Variants in INTS6L observed in about 807,000 individuals in gnomAD.
The protein encoded by INTS6L is integrator complex subunit 6-like.
A neutral mutation model predicts 64.7 loss-of-function variants in INTS6L; 18 were observed. The ratio of observed to expected loss-of-function variants is 0.28; its 90% CI spans 0.19 to 0.41. INTS6L has a LOEUF of 0.41. Ranked by LOEUF, INTS6L falls within the 10% of genes least tolerant of loss-of-function variation. INTS6L has a pLI of 1.00. For missense variants in INTS6L, 533 were observed against 661.0 expected (o/e 0.81, Z 2.12); for synonymous variants, 227 against 235.9 (o/e 0.96, Z 0.34).
chrX:135,523,003 T>C (rs1556498648), intron 2 of INTS6L, among the ~76,000 whole-genome samples: 1 of 112,046 alleles, frequency 8.9e-6, no homozygotes, highest in Non-Finnish European at 1.9e-5. Flanking sequence ...ACCGACCATT[T>C]GTAGTGTGGC....
intron 15 of INTS6L, among the ~76,000 whole-genome samples, chrX:135,579,353 T>A (rs1342912910): frequency 8.9e-6 from 1 of 112,461 alleles, no homozygotes; most frequent in Admixed American, 9.4e-5. Flanking sequence ...TGGCCGCCTC[T>A]ATTTTCTCAG....
intron 9 of INTS6L, among the ~76,000 whole-genome samples, chrX:135,563,670 G>T (rs5929666): frequency 0.12 from 595 of 4,826 alleles, 18 homozygotes; most frequent in African/African-American, 0.19. Flanking sequence ...TATATATATA[G>T]CTATATATAT....
chrX:135,549,352 A>G (rs1228370985), intron 6 of INTS6L, among the ~76,000 whole-genome samples: 1 of 112,385 alleles, frequency 8.9e-6, no homozygotes, highest in East Asian at 2.8e-4. Context: ...GAGTCTCAGA[A>G]AATTTAAAAC....
At position 135,565,289 on chromosome X, in the gene INTS6L, C is replaced by A. The variant is rs2086914579; in HGVS notation, c.1193-4048C>A. On this transcript the variant is annotated intron_variant, in intron 9 of 17. Coordinates refer to ENST00000639893, the MANE Select transcript of INTS6L (RefSeq NM_001351601.3). ...ACAATAGCAAGACTCATCCTCTCATCTTTGCCTTTGCTCGTCTTTCAGGTA... is the reference window on the plus strand; with the variant it reads ...ACAATAGCAAGACTCATCCTCTCATATTTGCCTTTGCTCGTCTTTCAGGTA... Among the ~76,000 whole-genome samples the A allele has an allele frequency of 4.5e-5, 5 of 112,056 alleles. No homozygotes were observed. In the Admixed American group the frequency reaches 4.7e-4, roughly 11 times the overall value.
intron 8 of INTS6L, among the ~76,000 whole-genome samples, 162 bp from the exon 9 acceptor site, chrX:135,556,006 A>G (rs1252473173): frequency 8.9e-6 from 1 of 112,263 alleles, no homozygotes; most frequent in Non-Finnish European, 1.9e-5. Context: ...AGCCTGGCCT[A>G]GTATAATATA....
At chrX:135,525,349 CT>C (rs2085705311) in intron 2 of INTS6L, among the ~76,000 whole-genome samples, 1 of 112,278 alleles carries the variant, frequency 8.9e-6, no homozygotes, top group Non-Finnish European at 1.9e-5. Flanking sequence ...AGGAAATTAT[CT>C]TTTTAAACAT....
chrX:135,573,872 A>G (rs907540117), intron 12 of INTS6L, 67 bp from the exon 13 acceptor site: 1 of 1,079,420 alleles, frequency 9.3e-7, no homozygotes, highest in African/African-American at 1.9e-5. Context: ...TTTAAGAGAG[A>G]TAAGTATGAC....
At chrX:135,544,565 C>T (rs1406910665) in intron 2 of INTS6L, among the ~76,000 whole-genome samples, 2 of 110,681 alleles carry the variant, frequency 1.8e-5, no homozygotes, top group Non-Finnish European at 3.8e-5. Flanking sequence ...TGTTGCCACG[C>T]TGTGCTGTCT....
In INTS6L at chrX:135,546,713, T is replaced by G. The variant is rs2086365470; in HGVS notation, c.441T>G (p.Pro147=). 3 of 1,206,179 alleles carry G rather than the reference T, an allele frequency of 2.5e-6. No homozygotes were observed. Among genetic ancestry groups the G allele is most frequent in the African/African-American group, 1.7e-5 (1 of 57,766 alleles). The change falls in exon 5 of 18, where the codon CCT becomes CCG. Residue 147 remains proline (P), a synonymous_variant. Coordinates refer to ENST00000639893, the MANE Select transcript of INTS6L (RefSeq NM_001351601.3). ...TAGVQEELHL[P]LNSPLPGSEL... ...TTTTGCCTTATCAGCTCCATCTTCC[T>G]TTGAATTCCCCTCTGCCTGGAAGTG...
Position 135,581,629 on chromosome X carries a change from C to T in INTS6L, c.2690C>T (p.Ser897Leu), listed in dbSNP as rs531890972. ...ATTAGTCACATCAACAGCAGATCAT[C>T]ATGTTAGTGCAAAGACCAGTGAGAA... ...NNISHINSRS[S>L]C is the part of the protein sequence containing the mutation. Residue 897 changes from serine to leucine, a missense_variant, in exon 18 of 18, where the codon TCA becomes TTA. Ser to Leu is a moderately radical substitution (Grantham distance 145). Coordinates refer to ENST00000639893, the MANE Select transcript of INTS6L (RefSeq NM_001351601.3). The T allele has an allele frequency of 1.7e-5, 21 of 1,201,040 alleles. No individual in the cohort carries two copies. In the South Asian group the frequency reaches 3.4e-4, roughly 19 times the overall value.
In INTS6L at chrX:135,541,115, A is replaced by G. The variant is rs138404103; in HGVS notation, c.190-4308A>G. On this transcript the variant is annotated intron_variant, in intron 2 of 17. Coordinates refer to ENST00000639893, the MANE Select transcript of INTS6L (RefSeq NM_001351601.3). ...CCTAGCTTCTTCTGACTACAGCTTC[A>G]CTTTCCTGCAGGCTGTCCTGTATGT... 2.6e-3 allele frequency among the ~76,000 whole-genome samples: 287 copies of G among 110,658 alleles called. 1 individual carries two copies. The highest frequency in any genetic ancestry group is 9.3e-3 in the Middle Eastern group (2 of 214).
chrX:135,554,883 C>CTTTTTTTTTT (rs35845600), intron 8 of INTS6L, among the ~76,000 whole-genome samples: 8 of 50,474 alleles, frequency 1.6e-4, no homozygotes, highest in Non-Finnish European at 2.2e-4. Flanking sequence ...ACCAGCATAA[C>CTTTTTTTTTT]TTTTTTTTTT....
Position 135,532,101 on chromosome X carries a change from TG to T in INTS6L, c.189+10785del, listed in dbSNP as rs1235340188. ...TAGACCAAAATGGTTTCATTTAAAT[TG>T]GCCTGAAGTTGCCTGGAGGCACTGC... On this transcript the variant is annotated intron_variant, in intron 2 of 17. Coordinates refer to ENST00000639893, the MANE Select transcript of INTS6L (RefSeq NM_001351601.3). 4.4e-5 allele frequency among the ~76,000 whole-genome samples: 5 copies of T among 112,387 alleles called. No individual in the cohort carries two copies. The East Asian group carries it at 1.4e-3, about 31-fold the overall frequency.
At chrX:135,532,389 G>A (rs1411397208) in intron 2 of INTS6L, among the ~76,000 whole-genome samples, 3 of 112,594 alleles carry the variant, frequency 2.7e-5, no homozygotes, top group African/African-American at 9.7e-5. Flanking sequence ...ATGCCTTTGA[G>A]TTGTGTGTTA....
At chrX:135,528,159 T>C (rs1213992713) in intron 2 of INTS6L, among the ~76,000 whole-genome samples, 1 of 110,427 alleles carries the variant, frequency 9.1e-6, no homozygotes, top group Non-Finnish European at 1.9e-5. Context: ...ACCGAAAGAG[T>C]GTAAATGAGA....
At chrX:135,578,968 C>T (rs2087303066) in intron 15 of INTS6L, among the ~76,000 whole-genome samples, 1 of 111,643 alleles carries the variant, frequency 9.0e-6, no homozygotes, top group Non-Finnish European at 1.9e-5. Context: ...TGCAAGACTG[C>T]ACGGCTGGCC....
At chrX:135,554,905 T>TG (rs1556518528) in intron 8 of INTS6L, among the ~76,000 whole-genome samples, 1 of 94,690 alleles carries the variant, frequency 1.1e-5, no homozygotes, top group East Asian at 3.3e-4. Context: ...TTTTTTTTTT[T>TG]TTTGAGACAG....
chrX:135,568,019 A>T lies in INTS6L; in HGVS notation c.1193-1318A>T, dbSNP rs192214919. 7.5e-3 allele frequency among the ~76,000 whole-genome samples: 832 copies of T among 111,286 alleles called. 5 individuals carry two copies. The highest frequency in any genetic ancestry group is 0.022 in the African/African-American group (686 of 30,655). ...TCTCTGTAAGTAAAGCATTTTTTTT[A>T]AAAAAATCAAAACTACTAAAACCTT... On this transcript the variant is annotated intron_variant, in intron 9 of 17. Coordinates refer to ENST00000639893, the MANE Select transcript of INTS6L (RefSeq NM_001351601.3).
At chrX:135,521,523 G>GAGC (rs1302203698) in intron 2 of INTS6L, among the ~76,000 whole-genome samples, 6 of 110,991 alleles carry the variant, frequency 5.4e-5, no homozygotes, top group Non-Finnish European at 9.5e-5. Context: ...GACCGGGGAG[G>GAGC]AGCAGCCCCG....
Sources: allele counts gnomAD v4.1 joint callset (sites outside exome capture counted in the v4.1 genomes callset), GRCh38; gene constraint gnomAD v4.1.1; transcripts MANE v1.5; gene names NCBI Gene and HGNC (gene_info 2026-07-23, HGNC 2026-07-21).